Variants in SLC9A9 observed in about 807,000 individuals in gnomAD.
The protein encoded by SLC9A9 is solute carrier family 9 member A9.
Under a neutral mutation model 77.8 loss-of-function variants are expected in SLC9A9, and 62 were observed. That is an observed-to-expected ratio of 0.80 (90% CI 0.65 to 0.98). The LOEUF (loss-of-function observed/expected upper bound fraction) is 0.98, where lower values mean the gene tolerates loss of function less well. SLC9A9 is among the 50% of genes least tolerant of loss of function. SLC9A9 has a pLI of 0.00. For synonymous variants in SLC9A9, 320 were observed against 283.5 expected (o/e 1.13, Z -1.29); for missense variants, 775 against 774.9 (o/e 1.00, Z 0.00).
intron 4 of SLC9A9, among the ~76,000 whole-genome samples, chr3:143,706,926 C>T (rs1933997616): frequency 6.6e-6 from 1 of 152,128 alleles, no homozygotes; most frequent in Non-Finnish European, 1.5e-5. Context: ...GATACCTCTG[C>T]ATAGAAGGGG....
intron 5 of SLC9A9, 41 bp downstream of exon 5, chr3:143,693,151 T>C (rs764658335): frequency 2.8e-5 from 42 of 1,475,380 alleles, no homozygotes; most frequent in Non-Finnish European, 3.5e-5. Context: ...ATTTAAATGT[T>C]TGATTCTTAA....
chr3:143,536,529 C>A (rs1235632850), intron 9 of SLC9A9, among the ~76,000 whole-genome samples: 1 of 152,164 alleles, frequency 6.6e-6, no homozygotes, highest in Non-Finnish European at 1.5e-5. Context: ...TTACATGCTG[C>A]GATTACTACA....
intron 12 of SLC9A9, among the ~76,000 whole-genome samples, chr3:143,466,561 T>C (rs1576516768): frequency 6.6e-6 from 1 of 152,228 alleles, no homozygotes; most frequent in East Asian, 1.9e-4. Context: ...GCTAAGCATA[T>C]GGCTCACTAA....
Position 143,459,681 on chromosome 3 carries a change from T to A in SLC9A9, c.1469+7356A>T, listed in dbSNP as rs184293241. On this transcript the variant is annotated intron_variant, in intron 12 of 15. Transcript: ENST00000316549. ...AAAATTTATAGACAACTTTATAGGG[T>A]CGATTTCTCAAACTCCCTTCTCTCT... Among the ~76,000 whole-genome samples, 4 of 152,108 alleles carry A rather than the reference T, an allele frequency of 2.6e-5. No individual in the cohort carries two copies. In the East Asian group the frequency reaches 7.7e-4, roughly 29 times the overall value.
intron 4 of SLC9A9, among the ~76,000 whole-genome samples, chr3:143,740,756 G>T (rs1470355310): frequency 6.6e-6 from 1 of 152,110 alleles, no homozygotes; most frequent in Non-Finnish European, 1.5e-5. Flanking sequence ...TGACCTAAAA[G>T]ATTTTGGAAA....
At chr3:143,711,585 T>TC (rs1229239966) in intron 4 of SLC9A9, among the ~76,000 whole-genome samples, 1 of 150,412 alleles carries the variant, frequency 6.6e-6, no homozygotes, top group Non-Finnish European at 1.5e-5. Context: ...AAAAATTTTT[T>TC]TTTTTTTTTT....
In SLC9A9 at chr3:143,339,145, C is replaced by T. The variant is rs559697525; in HGVS notation, c.1604+24339G>A. Among the ~76,000 whole-genome samples, 5 of 152,258 alleles carry T rather than the reference C, an allele frequency of 3.3e-5. No homozygotes were observed. The East Asian group carries it at 5.8e-4, about 18-fold the overall frequency. ...ATGGAATTTTGGTTTCTTTGTGCCA[C>T]CACCTGCCACCAATGGTGGCAATCA... is the stretch of plus-strand genomic sequence containing the variant. On this transcript the variant is annotated intron_variant, in intron 14 of 15. Transcript: ENST00000316549.
chr3:143,354,394 G>C (rs1349922758), intron 14 of SLC9A9, among the ~76,000 whole-genome samples: 2 of 152,210 alleles, frequency 1.3e-5, no homozygotes, highest in African/African-American at 4.8e-5. Context: ...ACCTTGTGAA[G>C]TGAACCTTAA....
chr3:143,497,902 T>C (rs2035862768), intron 9 of SLC9A9, among the ~76,000 whole-genome samples: 2 of 152,230 alleles, frequency 1.3e-5, no homozygotes, highest in Non-Finnish European at 2.9e-5. Context: ...CATCCAATTT[T>C]AATCTATTCA....
intron 4 of SLC9A9, among the ~76,000 whole-genome samples, chr3:143,772,395 T>TA (rs947202278): frequency 1.2e-4 from 19 of 152,160 alleles, no homozygotes; most frequent in African/African-American, 2.9e-4. Context: ...CAGAAAAAAG[T>TA]AAAAAAATTT....
intron 14 of SLC9A9, among the ~76,000 whole-genome samples, chr3:143,295,604 G>A (rs570351139): frequency 6.6e-6 from 1 of 152,130 alleles, no homozygotes; most frequent in Non-Finnish European, 1.5e-5. Flanking sequence ...TTAAAGAAAG[G>A]TTGCCCCTAT....
chr3:143,360,925 G>C (rs1197735969), intron 14 of SLC9A9, among the ~76,000 whole-genome samples: 4 of 152,144 alleles, frequency 2.6e-5, no homozygotes, highest in African/African-American at 7.2e-5. Flanking sequence ...CTAAGCAAAG[G>C]AGTTTATCCT....
intron 12 of SLC9A9, among the ~76,000 whole-genome samples, chr3:143,415,682 A>G (rs1178277295): frequency 1.3e-5 from 2 of 152,230 alleles, no homozygotes; most frequent in African/African-American, 4.8e-5. Context: ...ATGTAAAAGG[A>G]GATTGATGTT....
chr3:143,701,502 A>G (rs988572930), intron 4 of SLC9A9, among the ~76,000 whole-genome samples: 1 of 152,218 alleles, frequency 6.6e-6, no homozygotes, highest in Admixed American at 6.5e-5. Flanking sequence ...GGAGTTGAAA[A>G]ATGCAATTGA....
chr3:143,693,120 G>C (rs1450803152), intron 5 of SLC9A9, 72 bp downstream of exon 5: 2 of 1,146,618 alleles, frequency 1.7e-6, no homozygotes, highest in Non-Finnish European at 1.3e-6. Context: ...CGCAGGTGAT[G>C]GTCTTGGGGA....
intron 9 of SLC9A9, among the ~76,000 whole-genome samples, chr3:143,508,301 C>T (rs2036061139): frequency 6.6e-6 from 1 of 152,154 alleles, no homozygotes. Context: ...CCAACCCAAT[C>T]CCTTGATAAA....
chr3:143,373,417 A>G (rs2033101174), intron 13 of SLC9A9, among the ~76,000 whole-genome samples: 1 of 152,242 alleles, frequency 6.6e-6, no homozygotes, highest in East Asian at 1.9e-4. Context: ...GTAAAGGCAT[A>G]CAGAGTGACA....
intron 2 of SLC9A9, among the ~76,000 whole-genome samples, chr3:143,811,046 A>G (rs1467840326): frequency 6.6e-6 from 1 of 152,182 alleles, no homozygotes; most frequent in Non-Finnish European, 1.5e-5. Context: ...ATGCAGAACC[A>G]TGCTCTCCTG....
intron 8 of SLC9A9, among the ~76,000 whole-genome samples, chr3:143,558,465 A>G (rs906989970): frequency 6.6e-6 from 1 of 152,236 alleles, no homozygotes; most frequent in African/African-American, 2.4e-5. Flanking sequence ...GTTGTACCCT[A>G]CAAAGCCACA....
Sources: allele counts gnomAD v4.1 joint callset (sites outside exome capture counted in the v4.1 genomes callset), GRCh38; gene constraint gnomAD v4.1.1; transcripts MANE v1.5; gene names NCBI Gene and HGNC (gene_info 2026-07-23, HGNC 2026-07-21).